Variants in AFDN observed in about 807,000 individuals in gnomAD.
The protein encoded by AFDN is afadin, adherens junction formation factor.
AFDN carries 68 observed loss-of-function variants against 216.6 expected under a neutral mutation model. The observed-to-expected ratio is 0.31, with a 90% CI of 0.26 to 0.38. AFDN has a LOEUF of 0.38. Ranked by LOEUF, AFDN falls within the 10% of genes least tolerant of loss-of-function variation. The pLI is 1.00. For synonymous variants in AFDN, 868 were observed against 853.7 expected (o/e 1.02, Z -0.29); for missense variants, 2,136 against 2,342.0 (o/e 0.91, Z 1.82).
At position 167,965,738 on chromosome 6, in the gene AFDN, T is replaced by G; in HGVS notation, c.4969-19T>G. The G allele has an allele frequency of 6.6e-7, 1 of 1,512,058 alleles. No individual in the cohort carries two copies. Among genetic ancestry groups the G allele is most frequent in the Non-Finnish European group, 8.8e-7 (1 of 1,130,374 alleles). 93.7% of individuals were successfully genotyped at this position (1,512,058 alleles called of 1,614,324 possible). A position where few individuals can be genotyped will look rare whatever the true frequency, so the allele number is the denominator to read the frequency against. On this transcript the variant is annotated intron_variant, in intron 31 of 33. Transcript: ENST00000683244. ...TTCTCACCTCTGACCTTTGCACTCT[T>G]GTCTATTCCCGCCCGCAGAGGCGAC...
chr6:167,836,577 TTTATATTTAAGATTA>T (rs1289488003), intron 1 of AFDN, among the ~76,000 whole-genome samples: 1 of 152,184 alleles, frequency 6.6e-6, no homozygotes, highest in Non-Finnish European at 1.5e-5. Flanking sequence ...GAGTACTGCA[TTTATATTTAAGATTA>T]GCATCACTTA....
rs374255389 is a variant in AFDN, at chr6:167,910,620, C to T, written c.1770-481C>T. ...TGATGATAGTAATGGCTGAAGGAGA[C>T]TTGCCGTGGTCAGCTTGTCTAACCC... On this transcript the variant is annotated intron_variant, in intron 13 of 33. Transcript: ENST00000683244. Among the ~76,000 whole-genome samples the T allele has an allele frequency of 3.9e-5, 6 of 152,174 alleles. No individual in the cohort carries two copies. In the East Asian group the frequency reaches 9.6e-4, roughly 24 times the overall value.
At chr6:167,937,207 A>G (rs563620669) in intron 23 of AFDN, among the ~76,000 whole-genome samples, 3 of 152,296 alleles carry the variant, frequency 2.0e-5, no homozygotes, top group African/African-American at 7.2e-5. Context: ...ATGCCGACCA[A>G]AATGTGGATA....
intron 14 of AFDN, 54 bp downstream of exon 14, chr6:167,911,216 C>T (rs1230038111): frequency 1.9e-6 from 3 of 1,601,132 alleles, no homozygotes; most frequent in African/African-American, 2.7e-5. Context: ...CCATTTTACT[C>T]CATCTGATTT....
rs1043755363 is a variant in AFDN at position 167,906,264 on chromosome 6, T to C, written c.1651-907T>C. ...ATGATGAATAGACAACAAAATGTTA[T>C]ACAGCCATTACAAGTCTGTAATATA... On this transcript the variant is annotated intron_variant, in intron 12 of 33. Transcript: ENST00000683244. Among the ~76,000 whole-genome samples the C allele has an allele frequency of 1.3e-4, 20 of 152,342 alleles. No individual in the cohort carries two copies. In the Middle Eastern group the frequency reaches 0.01, roughly 78 times the overall value.
chr6:167,906,152 A>G (rs972292627), intron 12 of AFDN, among the ~76,000 whole-genome samples: 2 of 152,214 alleles, frequency 1.3e-5, no homozygotes, highest in East Asian at 1.9e-4. Flanking sequence ...GGGTGTGTAT[A>G]TAAATATATT....
At position 167,943,188 on chromosome 6, in the gene AFDN, A is replaced by G; in HGVS notation, c.3159A>G (p.Ala1053=). ...YVKSVVKGGA[A]DVDGRLAAGD... Reference sequence around the variant, plus strand: ...AGTCGGTTGTGAAAGGAGGTGCTGCAGATGTGGTCAGTATCATTTTGAAAG... The same window carrying G: ...AGTCGGTTGTGAAAGGAGGTGCTGCGGATGTGGTCAGTATCATTTTGAAAG... The change falls in exon 24 of 34, where the codon GCA becomes GCG. Residue 1053 remains alanine (A), a synonymous_variant. Transcript: ENST00000683244. The G allele has an allele frequency of 6.2e-7, 1 of 1,613,224 alleles. No individual in the cohort carries two copies. The highest frequency in any genetic ancestry group is 8.5e-7 in the Non-Finnish European group (1 of 1,179,314).
chr6:167,943,660 T>G (rs925350378), intron 25 of AFDN, among the ~76,000 whole-genome samples, 185 bp downstream of exon 25: 1 of 152,256 alleles, frequency 6.6e-6, no homozygotes, highest in Non-Finnish European at 1.5e-5. Context: ...TAGTACAGTT[T>G]CTTTGAAACT....
At chr6:167,933,432 C>G (rs923304720) in intron 23 of AFDN, among the ~76,000 whole-genome samples, 3 of 152,122 alleles carry the variant, frequency 2.0e-5, no homozygotes, top group African/African-American at 7.2e-5. Flanking sequence ...GTAATTTAGT[C>G]CTTTGAAGAC....
chr6:167,831,990 A>G (rs1287738107), intron 1 of AFDN, among the ~76,000 whole-genome samples: 2 of 152,244 alleles, frequency 1.3e-5, no homozygotes, highest in East Asian at 1.9e-4. Context: ...GTTATTGAAC[A>G]TATGAGACTG....
rs913838435 is a variant in AFDN at position 167,969,027 on chromosome 6, G to A, written c.5258-87G>A. On this transcript the variant is annotated intron_variant, in intron 32 of 33. Coordinates refer to ENST00000683244, the MANE Select transcript of AFDN (RefSeq NM_001386888.1). ...CTACTTACTCAGTAAAGGTATTTTTGTATTCTCTGAGCACTGCATCTTTAT... is the reference window on the plus strand; with the variant it reads ...CTACTTACTCAGTAAAGGTATTTTTATATTCTCTGAGCACTGCATCTTTAT... 7.7e-6 allele frequency: 8 copies of A among 1,032,374 alleles called. No homozygotes were observed. The African/African-American group carries it at 7.9e-5, about 10-fold the overall frequency. The allele number at this position is 1,032,374 out of a possible 1,614,324, so 64.0% of individuals were successfully genotyped here. A position where few individuals can be genotyped will look rare whatever the true frequency, so the allele number is the denominator to read the frequency against.
intron 1 of AFDN, among the ~76,000 whole-genome samples, chr6:167,855,940 C>T (rs1475080614): frequency 6.6e-6 from 1 of 152,128 alleles, no homozygotes; most frequent in Non-Finnish European, 1.5e-5. Context: ...TAGCCAGGAT[C>T]AACTGTGGTC....
intron 6 of AFDN, among the ~76,000 whole-genome samples, chr6:167,886,765 G>C (rs541010185): frequency 6.6e-6 from 1 of 152,094 alleles, no homozygotes; most frequent in South Asian, 2.1e-4. Flanking sequence ...CTGTACTACT[G>C]AACAGACGCC....
chr6:167,878,335 C>CT (rs903065784), intron 5 of AFDN, among the ~76,000 whole-genome samples: 10 of 151,234 alleles, frequency 6.6e-5, no homozygotes, highest in South Asian at 2.1e-4. Context: ...TATTGTACAT[C>CT]TTTTTTTTTG....
intron 28 of AFDN, 108 bp downstream of exon 28, chr6:167,948,052 T>A: frequency 1.1e-6 from 1 of 874,336 alleles, no homozygotes; most frequent in East Asian, 2.6e-5. Flanking sequence ...TAGCATTGAT[T>A]ATAATTTCTA....
chr6:167,829,480 T>G lies in AFDN; in HGVS notation c.105+2243T>G, dbSNP rs563210955. ...AACCATCTAATGATTATTTTTACTCTATTTGGCCATCACAAGTCCAATTTT... is the reference window on the plus strand; with the variant it reads ...AACCATCTAATGATTATTTTTACTCGATTTGGCCATCACAAGTCCAATTTT... On this transcript the variant is annotated intron_variant, in intron 1 of 33. Coordinates refer to ENST00000683244, the MANE Select transcript of AFDN (RefSeq NM_001386888.1). Among the ~76,000 whole-genome samples the G allele has an allele frequency of 3.6e-4, 55 of 152,300 alleles. No homozygotes were observed. In the South Asian group the frequency reaches 0.011, roughly 31 times the overall value.
At chr6:167,933,625 C>T (rs1011422291) in intron 23 of AFDN, among the ~76,000 whole-genome samples, 2 of 152,232 alleles carry the variant, frequency 1.3e-5, no homozygotes, top group African/African-American at 4.8e-5. Context: ...TGAAGTGACA[C>T]TGCCCCTCAT....
intron 6 of AFDN, among the ~76,000 whole-genome samples, chr6:167,884,869 A>G (rs981795500): frequency 2.0e-5 from 3 of 152,162 alleles, no homozygotes; most frequent in Admixed American, 6.5e-5. Context: ...CTCTCTAGCT[A>G]GAGAGTCCTA....
intron 6 of AFDN, among the ~76,000 whole-genome samples, chr6:167,887,012 CAAA>C (rs67970460): frequency 2.9e-3 from 262 of 90,468 alleles, no homozygotes; most frequent in African/African-American, 9.3e-3. Context: ...GAGACTGTAT[CAAA>C]AAAAAAAAAA....
Sources: allele counts gnomAD v4.1 joint callset (sites outside exome capture counted in the v4.1 genomes callset), GRCh38; gene constraint gnomAD v4.1.1; transcripts MANE v1.5; gene names NCBI Gene and HGNC (gene_info 2026-07-23, HGNC 2026-07-21).